Variants in MIOS observed in about 807,000 individuals in gnomAD.
MIOS encodes meiosis regulator for oocyte development.
A neutral mutation model predicts 96.9 loss-of-function variants in MIOS; 52 were observed. The ratio of observed to expected loss-of-function variants is 0.54; its 90% CI spans 0.43 to 0.68. MIOS has a LOEUF of 0.68. MIOS is among the 30% of genes least tolerant of loss of function. The pLI, the probability that MIOS is intolerant of heterozygous loss-of-function variation, is 0.00. For missense variants in MIOS, 1,005 were observed against 1,052.8 expected (o/e 0.95, Z 0.63); for synonymous variants, 397 against 359.5 (o/e 1.10, Z -1.18).
chr7:7,589,723 A>C (rs1783994944), intron 9 of MIOS, among the ~76,000 whole-genome samples, 160 bp downstream of exon 9: 1 of 152,208 alleles, frequency 6.6e-6, no homozygotes, highest in South Asian at 2.1e-4. Flanking sequence ...GCCTTATCTT[A>C]CTGTCCCTAA....
In MIOS at chr7:7,583,276, G is replaced by T; in HGVS notation, c.1552G>T (p.Glu518Ter). 1 of 1,614,144 alleles carries T rather than the reference G, an allele frequency of 6.2e-7. No individual in the cohort carries two copies. The highest frequency in any genetic ancestry group is 8.5e-7 in the Non-Finnish European group (1 of 1,180,014). The change falls in exon 6 of 13, where the codon GAA (glutamate) becomes TAA (stop). Residue 518 changes from glutamate (E) to a stop codon, truncating the protein, a stop_gained. Coordinates refer to ENST00000340080, the MANE Select transcript of MIOS (RefSeq NM_019005.4). LOFTEE classifies it high-confidence loss of function. The stretch of plus-strand genomic sequence containing the variant: ...GCCATTTTTGAACTCCCTTGTACAA[G>T]AAGGGGAATGGGAAAGAGCTGCTGC... ...VGPFLNSLVQ[E>*]GEWERAAAVA...
At position 7,581,436 on chromosome 7, in the gene MIOS, T is replaced by A. The variant is rs138900508; in HGVS notation, c.1394-1682T>A. Among the ~76,000 whole-genome samples the A allele has an allele frequency of 8.9e-3, 1,351 of 152,340 alleles. 12 individuals carry two copies. Among genetic ancestry groups the A allele is most frequent in the South Asian group, 0.042 (204 of 4,832 alleles). On this transcript the variant is annotated intron_variant, in intron 5 of 12. Transcript: ENST00000340080. Reference sequence around the variant, plus strand: ...AGAATGACTGTAGCTAAATTAACTTTGGTAGTGTATTTTCATTCATTTACT... The same window carrying A: ...AGAATGACTGTAGCTAAATTAACTTAGGTAGTGTATTTTCATTCATTTACT...
intron 7 of MIOS, among the ~76,000 whole-genome samples, chr7:7,587,462 A>T (rs951903265): frequency 8.5e-5 from 13 of 152,166 alleles, no homozygotes; most frequent in Non-Finnish European, 1.3e-4. Flanking sequence ...GTTGCTATTT[A>T]AAAAATGTTA....
chr7:7,575,681 T>C (rs910231607), intron 5 of MIOS, among the ~76,000 whole-genome samples: 2 of 152,156 alleles, frequency 1.3e-5, no homozygotes, highest in African/African-American at 4.8e-5. Context: ...GTGTTTTTTG[T>C]ATTTTGATAT....
chr7:7,602,264 G>C (rs922804328), intron 11 of MIOS, among the ~76,000 whole-genome samples: 23 of 152,180 alleles, frequency 1.5e-4, no homozygotes, highest in Admixed American at 4.6e-4. Flanking sequence ...CATTCATTTA[G>C]GAAAAGAGGA....
chr7:7,580,913 C>G (rs1332671050), intron 5 of MIOS, among the ~76,000 whole-genome samples: 5 of 150,176 alleles, frequency 3.3e-5, no homozygotes, highest in Admixed American at 2.7e-4. Flanking sequence ...TCTCGAACTC[C>G]CGACCTCAGG....
At chr7:7,584,831 C>A (rs1192658037) in intron 6 of MIOS, among the ~76,000 whole-genome samples, 1 of 152,102 alleles carries the variant, frequency 6.6e-6, no homozygotes, top group Non-Finnish European at 1.5e-5. Flanking sequence ...AGCCATACTG[C>A]TGAAGGCAAA....
rs376216172 is a variant in MIOS at position 7,607,129 on chromosome 7, G to A, written c.*37G>A. On this transcript the variant is annotated 3_prime_UTR_variant, in exon 13 of 13. Transcript: ENST00000340080. The stretch of plus-strand genomic sequence containing the variant: ...CTTAAGAGAACCCTTCAAGTGTGGA[G>A]CTTTCTAGTAGGTGTCCTTCATAGC... The A allele has an allele frequency of 1.5e-5, 23 of 1,516,656 alleles. No individual in the cohort carries two copies. Among genetic ancestry groups the A allele is most frequent in the Non-Finnish European group, 2.1e-5 (23 of 1,105,346 alleles). 93.9% of individuals were successfully genotyped at this position (1,516,656 alleles called of 1,614,324 possible).
At chr7:7,583,064 A>G in intron 5 of MIOS, 54 bp from the exon 6 acceptor site, 1 of 1,523,074 alleles carries the variant, frequency 6.6e-7, no homozygotes, top group South Asian at 1.3e-5. Flanking sequence ...AAACTGACTT[A>G]CTTTCCAAAT....
Position 7,607,022 on chromosome 7 carries a change from C to A in MIOS, c.2558C>A (p.Ala853Glu). ...GACCATGCAGAGTGCCCTGTGTCGGCATGCACGTGTAAATGTATGCAGTTG... is the reference window on the plus strand; with the variant it reads ...GACCATGCAGAGTGCCCTGTGTCGGAATGCACGTGTAAATGTATGCAGTTG... ...FRDHAECPVS[A>E]CTCKCMQLDT... The change falls in exon 13 of 13, where the codon GCA (alanine) becomes GAA (glutamate). Residue 853 changes from alanine to glutamate, a missense_variant. Physicochemically the swap from Ala to Glu is moderately radical, Grantham distance 107. Transcript: ENST00000340080. 6.2e-7 allele frequency: 1 copy of A among 1,612,846 alleles called. No individual in the cohort carries two copies. The highest frequency in any genetic ancestry group is 8.5e-7 in the Non-Finnish European group (1 of 1,179,380).
chr7:7,577,340 A>G (rs1414961543), intron 5 of MIOS, among the ~76,000 whole-genome samples: 1 of 152,206 alleles, frequency 6.6e-6, no homozygotes, highest in Non-Finnish European at 1.5e-5. Context: ...CACTGGCGGT[A>G]TGGATAGCAA....
In MIOS at chr7:7,607,985, A is replaced by G. The variant is rs1225838536; in HGVS notation, c.*893A>G. 6.6e-6 allele frequency: 1 copy of G among 152,166 alleles called. No individual in the cohort carries two copies. Among genetic ancestry groups the G allele is most frequent in the Non-Finnish European group, 1.5e-5 (1 of 68,004 alleles). The allele number at this position is 152,166 out of a possible 1,614,324, so 9.4% of individuals were successfully genotyped here. On this transcript the variant is annotated 3_prime_UTR_variant, in exon 13 of 13. Transcript: ENST00000340080. ...GATTATATGTAACTAGCCATTTAGT[A>G]TAATCTATGTCAGTGTTTCTGTGCT...
Position 7,606,981 on chromosome 7 carries a change from G to T in MIOS, c.2532-15G>T, listed in dbSNP as rs1187831253. The stretch of plus-strand genomic sequence containing the variant: ...TAATTTGGATTTTTAACTGTTATTT[G>T]ACCTATTTTTTTAGGGACCATGCAG... On this transcript the variant is annotated splice_polypyrimidine_tract_variant and intron_variant, in intron 12 of 12. Coordinates refer to ENST00000340080, the MANE Select transcript of MIOS (RefSeq NM_019005.4). The T allele has an allele frequency of 2.5e-6, 4 of 1,583,220 alleles. No individual in the cohort carries two copies. Among genetic ancestry groups the T allele is most frequent in the African/African-American group, 2.7e-5 (2 of 73,944 alleles).
In MIOS at chr7:7,607,199, T is replaced by C; in HGVS notation, c.*107T>C. ...CAAGCCATTCATGACTTACCTGTAA[T>C]GGGAAAATAAATCATTCTATCAGAT... On this transcript the variant is annotated 3_prime_UTR_variant, in exon 13 of 13. Transcript: ENST00000340080. 1 of 751,008 alleles carries C rather than the reference T, an allele frequency of 1.3e-6. No homozygotes were observed. The highest frequency in any genetic ancestry group is 2.1e-6 in the Non-Finnish European group (1 of 466,366). The allele number at this position is 751,008 out of a possible 1,614,324, so 46.5% of individuals were successfully genotyped here.
Position 7,572,400 on chromosome 7 carries a change from G to A in MIOS, c.-40-36G>A, listed in dbSNP as rs1783385085. The stretch of plus-strand genomic sequence containing the variant: ...TTCAACGTAAGAATTATATTTTGCT[G>A]ATATTTTAAAACTTTTTATTTTTAA... On this transcript the variant is annotated intron_variant, in intron 3 of 12. Coordinates refer to ENST00000340080, the MANE Select transcript of MIOS (RefSeq NM_019005.4). The surrounding 1 kb of genome is among the most constrained non-coding windows in gnomAD (Gnocchi z 4.8). The A allele has an allele frequency of 9.0e-7, 1 of 1,109,366 alleles. No homozygotes were observed. Among genetic ancestry groups the A allele is most frequent in the Non-Finnish European group, 1.3e-6 (1 of 788,932 alleles). 68.7% of individuals were successfully genotyped at this position (1,109,366 alleles called of 1,614,324 possible). A position where few individuals can be genotyped will look rare whatever the true frequency, so the allele number is the denominator to read the frequency against.
At chr7:7,584,737 A>T (rs957574505) in intron 6 of MIOS, among the ~76,000 whole-genome samples, 3 of 152,168 alleles carry the variant, frequency 2.0e-5, no homozygotes, top group African/African-American at 7.2e-5. Flanking sequence ...CTTATATAAT[A>T]AGTGTAGAAA....
intron 11 of MIOS, 48 bp downstream of exon 11, chr7:7,596,509 A>G: frequency 6.5e-7 from 1 of 1,528,860 alleles, no homozygotes; most frequent in Non-Finnish European, 9.0e-7. Context: ...AATGATTCTT[A>G]CATAATTGAG....
At position 7,583,310 on chromosome 7, in the gene MIOS, T is replaced by A. The variant is rs1182679421; in HGVS notation, c.1586T>A (p.Leu529Ter). 1 of 1,613,884 alleles carries A rather than the reference T, an allele frequency of 6.2e-7. No homozygotes were observed. The highest frequency in any genetic ancestry group is 8.5e-7 in the Non-Finnish European group (1 of 1,179,922). ...TGGGAAAGAGCTGCTGCTGTGGCAT[T>A]GTTCAACTTGGATATTCGCCGAGCA... ...GEWERAAAVALFNLDIRRAIQ... is the reference protein window; with the variant it reads ...GEWERAAAVA Residue 529 changes from leucine (L) to a stop codon, truncating the protein, a stop_gained, in exon 6 of 13, where the codon TTG (leucine) becomes TAG (stop). Transcript: ENST00000340080. LOFTEE classifies it high-confidence loss of function.
chr7:7,598,314 G>A (rs1026320287), intron 11 of MIOS, among the ~76,000 whole-genome samples: 3 of 152,094 alleles, frequency 2.0e-5, no homozygotes, highest in Non-Finnish European at 2.9e-5. Context: ...ATTCTGTATC[G>A]TGTTCATTTA....
Sources: allele counts gnomAD v4.1 joint callset (sites outside exome capture counted in the v4.1 genomes callset), GRCh38; gene constraint gnomAD v4.1.1; non-coding constraint Gnocchi (gnomAD v3.1); transcripts MANE v1.5; gene names NCBI Gene and HGNC (gene_info 2026-07-23, HGNC 2026-07-21).